Variants in BCKDK observed in about 807,000 individuals in gnomAD.
BCKDK encodes branched chain keto acid dehydrogenase kinase.
In BCKDK, 28 loss-of-function variants were observed where a neutral mutation model predicts 43.9. The observed-to-expected ratio is 0.64, with a 90% CI of 0.47 to 0.87. BCKDK has a LOEUF of 0.87. BCKDK is among the 40% of genes least tolerant of loss of function. The pLI, the probability that BCKDK is intolerant of heterozygous loss-of-function variation, is 0.00. For missense variants in BCKDK, 483 were observed against 581.4 expected (o/e 0.83, Z 1.74); for synonymous variants, 257 against 234.3 (o/e 1.10, Z -0.88).
chr16:31,115,901 G>A (rs2052581), downstream of BCKDK: 152,241 of 152,334 alleles, frequency 1, 76,075 homozygotes, highest in Middle Eastern at 1. Flanking sequence ...GGCCGATTGT[G>A]TATGGTTGGA....
chr16:31,117,398 A>AAATAAATAAATAAATAAATAAATAAATT (rs377332555), downstream of BCKDK: 155 of 234,346 alleles, frequency 6.6e-4, 2 homozygotes, highest in Non-Finnish European at 9.9e-5. Flanking sequence ...ATAAATAAAT[A>AAATAAATAAATAAATAAATAAATAAATT]AATTAAAAAA....
rs200230790 is a variant in BCKDK, at chr16:31,110,034, G to A, written c.376-43G>A. ...GGTGGGGGTGGCTGTTCTCTGCTCAGTGCCCATGCGGCTTTGTGAATTCCC... is the reference window on the plus strand; with the variant it reads ...GGTGGGGGTGGCTGTTCTCTGCTCAATGCCCATGCGGCTTTGTGAATTCCC... On this transcript the variant is annotated intron_variant, in intron 4 of 11. Coordinates refer to ENST00000219794, the MANE Select transcript of BCKDK (RefSeq NM_005881.4). The surrounding 1 kb of genome is among the most constrained non-coding windows in gnomAD (Gnocchi z 5.4). 1 of 1,613,786 alleles carries A rather than the reference G, an allele frequency of 6.2e-7. No homozygotes were observed. Among genetic ancestry groups the A allele is most frequent in the East Asian group, 2.2e-5 (1 of 44,880 alleles).
Position 31,109,505 on chromosome 16 carries a change from C to T in BCKDK, c.196-6C>T. On this transcript the variant is annotated splice_region_variant and splice_polypyrimidine_tract_variant and intron_variant, in intron 2 of 11. Coordinates refer to ENST00000219794, the MANE Select transcript of BCKDK (RefSeq NM_005881.4). The surrounding 1 kb of genome is among the most constrained non-coding windows in gnomAD (Gnocchi z 5.3). ...TTCTCTGCTCAAGGCCTCTCTCCCTCTCTAGCCCTCAGTCCGCCTAACGCC... is the reference window on the plus strand; with the variant it reads ...TTCTCTGCTCAAGGCCTCTCTCCCTTTCTAGCCCTCAGTCCGCCTAACGCC... 6.2e-7 allele frequency: 1 copy of T among 1,614,102 alleles called. No individual in the cohort carries two copies. The highest frequency in any genetic ancestry group is 8.5e-7 in the Non-Finnish European group (1 of 1,180,022).
At position 31,112,238 on chromosome 16, in the gene BCKDK, T is replaced by C. The variant is rs55939386; in HGVS notation, c.1212T>C (p.Asp404=). ...TDVYLRLRHI[D]GREESFRI ...TCTACCTGCGGCTCCGCCACATCGA[T>C]GGCCGGGAGGAAAGCTTCCGGATCT... The change falls in exon 12 of 12, where the codon GAT becomes GAC. Residue 404 remains aspartate (D), a synonymous_variant. Coordinates refer to ENST00000219794, the MANE Select transcript of BCKDK (RefSeq NM_005881.4). This position sits in a 1 kb window ranked among gnomAD's most constrained non-coding sequence, Gnocchi z 5.0. 101 of 1,610,714 alleles carry C rather than the reference T, an allele frequency of 6.3e-5. No homozygotes were observed. The highest frequency in any genetic ancestry group is 8.2e-5 in the Non-Finnish European group (97 of 1,179,982).
chr16:31,114,290 A>ACC (rs144629484), downstream of BCKDK, among the ~76,000 whole-genome samples: 1,016 of 111,818 alleles, frequency 9.1e-3, 22 homozygotes, highest in African/African-American at 0.029. Flanking sequence ...CCTCCGCCCC[A>ACC]CCCCCCCCCA....
chr16:31,110,408 A>G lies in BCKDK; in HGVS notation c.551A>G (p.Lys184Arg), dbSNP rs770918327. Residue 184 changes from lysine (K) to arginine (R), a missense_variant, in exon 7 of 12, where the codon AAG (lysine) becomes AGG (arginine). Transcript: ENST00000219794. The surrounding 1 kb of genome is among the most constrained non-coding windows in gnomAD (Gnocchi z 5.4). ...AGACCTCACTCTTTACAGGATGAAA[A>G]GCTCGTCCGCTACTTCTTGGACAAG... The part of the protein sequence containing the change: ...RESRKHIEDE[K>R]LVRYFLDKTL... 1 of 1,613,880 alleles carries G rather than the reference A, an allele frequency of 6.2e-7. No individual in the cohort carries two copies. The highest frequency in any genetic ancestry group is 8.5e-7 in the Non-Finnish European group (1 of 1,179,998).
At chr16:31,114,359 C>T (rs954882679), downstream of BCKDK, among the ~76,000 whole-genome samples, 9 of 146,242 alleles carry the variant, frequency 6.2e-5, no homozygotes, top group Admixed American at 2.1e-4. Context: ...ATTACAGGCG[C>T]GTGCCACCAC....
downstream of BCKDK, chr16:31,117,446 C>T (rs990228030): frequency 1.0e-5 from 4 of 392,350 alleles, no homozygotes; most frequent in African/African-American, 8.3e-5. Flanking sequence ...AAGTCTGTCT[C>T]CTCTCCTCAC....
Position 31,109,388 on chromosome 16 carries a change from C to G in BCKDK, c.165C>G (p.Asn55Lys). The G allele has an allele frequency of 1.2e-6, 2 of 1,607,596 alleles. No individual in the cohort carries two copies. The highest frequency in any genetic ancestry group is 1.1e-5 in the South Asian group (1 of 90,748). ...CCAAGACCGTCACCTCCTTTTACAA[C>G]CAGTCGGCCATCGACGCGGCAGCGG... ...ERSKTVTSFYNQSAIDAAAEK... is the reference protein window; with the variant it reads ...ERSKTVTSFYKQSAIDAAAEK... Residue 55 changes from asparagine to lysine, a missense_variant, in exon 2 of 12, where the codon AAC (asparagine) becomes AAG (lysine). Physicochemically the swap from Asn to Lys is moderately conservative, Grantham distance 94. Transcript: ENST00000219794. The surrounding 1 kb of genome is among the most constrained non-coding windows in gnomAD (Gnocchi z 5.3).
Position 31,112,291 on chromosome 16 carries a change from C to G in BCKDK, c.*26C>G. 6.2e-7 allele frequency: 1 copy of G among 1,604,420 alleles called. No homozygotes were observed. The highest frequency in any genetic ancestry group is 1.1e-5 in the South Asian group (1 of 91,080). On this transcript the variant is annotated 3_prime_UTR_variant, in exon 12 of 12. Transcript: ENST00000219794. This position sits in a 1 kb window ranked among gnomAD's most constrained non-coding sequence, Gnocchi z 5.0. ...CCCCACAGCCTTTGGCCTGCTCACC[C>G]GACCAGCCTGGGCCGCATTCCCTGC...
At chr16:31,115,533 T>TC (rs374518255), downstream of BCKDK, among the ~76,000 whole-genome samples, 17 of 151,686 alleles carry the variant, frequency 1.1e-4, no homozygotes, top group Admixed American at 2.6e-4. Context: ...TCCTTTTCTT[T>TC]CCCCCCTTTT....
chr16:31,114,301 A>T (rs1021298353), downstream of BCKDK, among the ~76,000 whole-genome samples: 1 of 50,100 alleles, frequency 2.0e-5, no homozygotes, highest in African/African-American at 7.3e-5. Context: ...CCCCCCCCCA[A>T]CCCCAGGTTC....
chr16:31,109,375 C>T lies in BCKDK; in HGVS notation c.152C>T (p.Thr51Ile). Reference sequence around the variant, plus strand: ...GCTCGGGAGCGCTCCAAGACCGTCACCTCCTTTTACAACCAGTCGGCCATC... The same window carrying T: ...GCTCGGGAGCGCTCCAAGACCGTCATCTCCTTTTACAACCAGTCGGCCATC... The part of the protein sequence containing the change: ...EMARERSKTV[T>I]SFYNQSAIDA... The change falls in exon 2 of 12, where the codon ACC becomes ATC. Residue 51 changes from threonine (T) to isoleucine (I), a missense_variant. By Grantham distance (89) the Thr-to-Ile change is moderately conservative. Transcript: ENST00000219794. This position sits in a 1 kb window ranked among gnomAD's most constrained non-coding sequence, Gnocchi z 5.3. The T allele has an allele frequency of 1.2e-6, 2 of 1,608,404 alleles. No individual in the cohort carries two copies. The highest frequency in any genetic ancestry group is 4.5e-5 in the East Asian group (2 of 44,744).
At chr16:31,117,504 A>G, downstream of BCKDK, 3 of 449,098 alleles carry the variant, frequency 6.7e-6, no homozygotes, top group East Asian at 7.1e-5. Context: ...GAGCTCCAAG[A>G]CTGCCGCACA....
downstream of BCKDK, among the ~76,000 whole-genome samples, chr16:31,116,944 A>G (rs896539916): frequency 4.9e-3 from 291 of 59,958 alleles, no homozygotes; most frequent in Middle Eastern, 0.012. Context: ...GGGGGCGGGG[A>G]GCGACATTAG....
chr16:31,111,566 G>A (rs1007336888), intron 10 of BCKDK, among the ~76,000 whole-genome samples, 177 bp downstream of exon 10: 1 of 152,178 alleles, frequency 6.6e-6, no homozygotes, highest in African/African-American at 2.4e-5. Flanking sequence ...TGGATCTGGG[G>A]CCAGCTGCAG....
In BCKDK at chr16:31,109,831, C is replaced by T. The variant is rs768136995; in HGVS notation, c.375+48C>T. ...TCAGCGGGCCACCCTGCCCCGGGGG[C>T]AAGTGGGGAGTCTGGGGCCCAGAGT... On this transcript the variant is annotated intron_variant, in intron 4 of 11. Transcript: ENST00000219794. The surrounding 1 kb of genome is among the most constrained non-coding windows in gnomAD (Gnocchi z 5.3). 6.3e-7 allele frequency: 1 copy of T among 1,582,104 alleles called. No individual in the cohort carries two copies. Among genetic ancestry groups the T allele is most frequent in the Non-Finnish European group, 8.7e-7 (1 of 1,152,234 alleles).
downstream of BCKDK, among the ~76,000 whole-genome samples, chr16:31,114,374 A>G (rs989053586): frequency 3.2e-5 from 4 of 126,306 alleles, no homozygotes; most frequent in African/African-American, 6.0e-5. Context: ...CACCACACCC[A>G]GCTAATTTTT....
downstream of BCKDK, among the ~76,000 whole-genome samples, chr16:31,116,615 A>G (rs1240169558): frequency 2.0e-5 from 3 of 150,944 alleles, no homozygotes; most frequent in South Asian, 2.1e-4. Context: ...AGTCTCTTCA[A>G]CCTTCAAAAA....
Sources: gnomAD v4.1 joint callset for allele counts (sites outside exome capture counted in the v4.1 genomes callset) on GRCh38, gnomAD v4.1.1 for gene constraint, Gnocchi (gnomAD v3.1) non-coding constraint, MANE v1.5 for transcripts, NCBI Gene and HGNC (gene_info 2026-07-23, HGNC 2026-07-21) for gene names.